Variants in CNBD1 observed in about 807,000 individuals in gnomAD.
CNBD1 encodes cyclic nucleotide binding domain containing 1, also known as cyclic nucleotide-binding domain-containing protein 1.
A neutral mutation model predicts 54.4 loss-of-function variants in CNBD1; 71 were observed. The observed-to-expected ratio is 1.30, with a 90% confidence interval of 1.08 to 1.59. The LOEUF is 1.59. Ranked by LOEUF, CNBD1 falls within the 40% of genes most tolerant of loss-of-function variation. CNBD1 has a pLI of 0.00. For synonymous variants in CNBD1, 182 were observed against 170.7 expected, an observed-to-expected ratio of 1.07 and a Z score of -0.51; for missense variants, 659 against 518.0, an observed-to-expected ratio of 1.27 and a Z score of -2.64.
intron 4 of CNBD1, among the ~76,000 whole-genome samples, chr8:87,129,134 T>C (rs1812065545): frequency 6.7e-6 from 1 of 148,960 alleles, no homozygotes; most frequent in Non-Finnish European, 1.5e-5. Context: ...GTAATTTTCT[T>C]TTTTGGTAAT....
chr8:87,155,774 A>G (rs1812700722), intron 4 of CNBD1, among the ~76,000 whole-genome samples: 1 of 152,200 alleles, frequency 6.6e-6, no homozygotes, highest in Non-Finnish European at 1.5e-5. Flanking sequence ...TTGTTGATTA[A>G]TTCGTGGTAC....
At chr8:87,187,696 C>A (rs534692622) in intron 4 of CNBD1, among the ~76,000 whole-genome samples, 1 of 152,096 alleles carries the variant, frequency 6.6e-6, no homozygotes, top group East Asian at 1.9e-4. Context: ...AATTGCACTG[C>A]CTTTTTCTTG....
In CNBD1 at chr8:87,396,404, C is replaced by G. The variant is rs192124213; in HGVS notation, c.214-32142C>G. On this transcript the variant is annotated intron_variant, in intron 2 of 7. Transcript: ENST00000521593. ...ACCTCCTGTCACTGAAATCTACATGCCTAACTTATAATCAGCTGCTTTTGC... is the reference window on the plus strand; with the variant it reads ...ACCTCCTGTCACTGAAATCTACATGGCTAACTTATAATCAGCTGCTTTTGC... Among the ~76,000 whole-genome samples, 5 of 151,958 alleles carry G rather than the reference C, an allele frequency of 3.3e-5. No individual in the cohort carries two copies. In the East Asian group the frequency reaches 9.7e-4, roughly 30 times the overall value.
At chr8:87,202,746 G>A (rs1813889850) in intron 4 of CNBD1, among the ~76,000 whole-genome samples, 1 of 152,174 alleles carries the variant, frequency 6.6e-6, no homozygotes, top group South Asian at 2.1e-4. Flanking sequence ...TCCGAATGCA[G>A]AAAGTGTTTT....
At chr8:87,375,670 C>CATT (rs1395354643) in intron 10 of CNBD1, among the ~76,000 whole-genome samples, 1 of 151,784 alleles carries the variant, frequency 6.6e-6, no homozygotes, top group Middle Eastern at 3.2e-3. Flanking sequence ...GAATGAAATT[C>CATT]ATTATGTCTT....
chr8:87,040,423 CTTT>C (rs71277911), intron 4 of CNBD1, among the ~76,000 whole-genome samples: 6 of 129,380 alleles, frequency 4.6e-5, no homozygotes, highest in Admixed American at 8.0e-5. Flanking sequence ...AATTCTTTTT[CTTT>C]TTTTTTTTTT....
intron 4 of CNBD1, among the ~76,000 whole-genome samples, chr8:87,063,860 G>A (rs1428235000): frequency 1.3e-5 from 2 of 151,740 alleles, no homozygotes; most frequent in African/African-American, 4.8e-5. Context: ...ATATTTTGAT[G>A]CTATTATAAA....
At chr8:87,403,361 A>G (rs1807600200) in intron 2 of CNBD1, among the ~76,000 whole-genome samples, 1 of 152,044 alleles carries the variant, frequency 6.6e-6, no homozygotes, top group African/African-American at 2.4e-5. Flanking sequence ...CACTTGTCGT[A>G]GATAGACCGA....
At chr8:87,232,583 C>T (rs1458990317) in intron 5 of CNBD1, among the ~76,000 whole-genome samples, 1 of 152,012 alleles carries the variant, frequency 6.6e-6, no homozygotes, top group Non-Finnish European at 1.5e-5. Context: ...TTTGTAAAAG[C>T]ATTTTTAGCA....
chr8:86,985,086 G>A (rs768643101), intron 4 of CNBD1, among the ~76,000 whole-genome samples: 30 of 152,252 alleles, frequency 2.0e-4, no homozygotes, highest in Non-Finnish European at 3.4e-4. Context: ...CTTTACTTGT[G>A]ATAGTGAATA....
chr8:87,040,423 C>CTTTTTTTT (rs71277911), intron 4 of CNBD1, among the ~76,000 whole-genome samples: 6 of 129,388 alleles, frequency 4.6e-5, no homozygotes, highest in Non-Finnish European at 9.7e-5. Flanking sequence ...AATTCTTTTT[C>CTTTTTTTT]TTTTTTTTTT....
chr8:86,968,296 A>T (rs1254405692), intron 4 of CNBD1, among the ~76,000 whole-genome samples: 1 of 152,136 alleles, frequency 6.6e-6, no homozygotes, highest in Non-Finnish European at 1.5e-5. Flanking sequence ...TCCTATACTC[A>T]TCATGAGGGC....
intron 10 of CNBD1, among the ~76,000 whole-genome samples, chr8:87,372,305 A>T (rs998825174): frequency 1.3e-5 from 2 of 152,034 alleles, no homozygotes; most frequent in African/African-American, 4.8e-5. Context: ...TTGATAATTT[A>T]TGATGGGCCC....
intron 2 of CNBD1, among the ~76,000 whole-genome samples, chr8:87,426,543 A>C (rs762295259): frequency 2.0e-5 from 3 of 152,250 alleles, no homozygotes; most frequent in Non-Finnish European, 2.9e-5. Context: ...ACAGAAACTT[A>C]TAATGAGGTA....
At chr8:86,977,828 C>T (rs1330967606) in intron 4 of CNBD1, among the ~76,000 whole-genome samples, 1 of 152,030 alleles carries the variant, frequency 6.6e-6, no homozygotes, top group African/African-American at 2.4e-5. Flanking sequence ...TAATACCAAT[C>T]ATTCTCACAC....
intron 4 of CNBD1, among the ~76,000 whole-genome samples, chr8:87,055,388 C>T (rs1000810892): frequency 3.3e-5 from 5 of 152,176 alleles, no homozygotes; most frequent in African/African-American, 1.2e-4. Flanking sequence ...AGGCACAAAG[C>T]ATAGCTTCTC....
intron 2 of CNBD1, among the ~76,000 whole-genome samples, chr8:87,418,845 T>A (rs916690367): frequency 6.6e-6 from 1 of 151,906 alleles, no homozygotes; most frequent in Non-Finnish European, 1.5e-5. Flanking sequence ...CCCTTATACA[T>A]AGCTGATGAA....
rs1812919864 is a variant in CNBD1 at position 87,164,439 on chromosome 8, G to A, written c.432-41554G>A. Among the ~76,000 whole-genome samples, 3 of 151,382 alleles carry A rather than the reference G, an allele frequency of 2.0e-5. No individual in the cohort carries two copies. In the South Asian group the frequency reaches 6.2e-4, roughly 32 times the overall value. On this transcript the variant is annotated intron_variant, in intron 4 of 10. Coordinates refer to ENST00000518476, the MANE Select transcript of CNBD1 (RefSeq NM_173538.3). The stretch of plus-strand genomic sequence containing the variant: ...CCTAGATGTTTTTTCCTTTTTGTTG[G>A]GAGGTGTTTAATTACTGAGTCAATT...
At chr8:87,212,625 A>T (rs1465105081) in intron 5 of CNBD1, among the ~76,000 whole-genome samples, 1 of 152,190 alleles carries the variant, frequency 6.6e-6, no homozygotes, top group Non-Finnish European at 1.5e-5. Flanking sequence ...CTTTTCAACA[A>T]ATTATGCTTG....
Sources: allele counts gnomAD v4.1 joint callset (sites outside exome capture counted in the v4.1 genomes callset), GRCh38; gene constraint gnomAD v4.1.1; transcripts MANE v1.5; gene names NCBI Gene and HGNC (gene_info 2026-07-23, HGNC 2026-07-21).